Variants in GRIK2 observed in about 807,000 individuals in gnomAD.
The protein encoded by GRIK2 is glutamate receptor ionotropic, kainate 2.
A neutral mutation model predicts 100.3 loss-of-function variants in GRIK2; 32 were observed. The ratio of observed to expected loss-of-function variants is 0.32; its 90% CI spans 0.24 to 0.43. GRIK2 has a LOEUF of 0.43. GRIK2 is among the 20% of genes least tolerant of loss of function. The pLI, the probability that GRIK2 is intolerant of heterozygous loss-of-function variation, is 1.00. For synonymous variants in GRIK2, 417 were observed against 389.4 expected (o/e 1.07, Z -0.83); for missense variants, 843 against 1,114.9 (o/e 0.76, Z 3.47).
intron 11 of GRIK2, among the ~76,000 whole-genome samples, chr6:101,873,252 C>T (rs1424323628): frequency 8.2e-6 from 1 of 122,316 alleles, no homozygotes; most frequent in Non-Finnish European, 1.7e-5. Context: ...CCCCTCCCCC[C>T]ACCCCACAAT....
intron 14 of GRIK2, among the ~76,000 whole-genome samples, chr6:102,027,700 T>C (rs1769775677): frequency 6.6e-6 from 1 of 151,106 alleles, no homozygotes; most frequent in Admixed American, 6.6e-5. Flanking sequence ...ATATTGATAA[T>C]GTTATTTTCT....
intron 2 of GRIK2, among the ~76,000 whole-genome samples, chr6:101,556,468 T>G (rs1337292484): frequency 1.3e-5 from 2 of 151,428 alleles, no homozygotes; most frequent in Non-Finnish European, 2.9e-5. Flanking sequence ...CCGAGATATA[T>G]TGGTAATTTT....
intron 7 of GRIK2, among the ~76,000 whole-genome samples, chr6:101,736,317 G>A (rs1775628618): frequency 6.6e-6 from 1 of 152,200 alleles, no homozygotes; most frequent in South Asian, 2.1e-4. Context: ...CCCCAGTAGG[G>A]GCTCTGTGTG....
rs117787376 is a variant in GRIK2, at chr6:102,058,225, A to G, written c.2562+2645A>G. On this transcript the variant is annotated intron_variant, in intron 16 of 16. Transcript: ENST00000369134. Reference sequence around the variant, plus strand: ...TATTCTTGTTTGTTGGCTTCTGTGTATGGGTGCCTTTTCACATATTAAATT... The same window carrying G: ...TATTCTTGTTTGTTGGCTTCTGTGTGTGGGTGCCTTTTCACATATTAAATT... 3.3e-3 allele frequency among the ~76,000 whole-genome samples: 502 copies of G among 151,742 alleles called. 1 individual carries two copies. The highest frequency in any genetic ancestry group is 4.0e-3 in the Admixed American group (61 of 15,130).
At chr6:101,888,329 C>G (rs1324053633) in intron 11 of GRIK2, among the ~76,000 whole-genome samples, 1 of 152,036 alleles carries the variant, frequency 6.6e-6, no homozygotes, top group African/African-American at 2.4e-5. Flanking sequence ...TTATCTGAAA[C>G]AGGAAATAAT....
At chr6:101,474,834 T>C (rs1489038853) in intron 2 of GRIK2, among the ~76,000 whole-genome samples, 1 of 151,738 alleles carries the variant, frequency 6.6e-6, no homozygotes, top group Non-Finnish European at 1.5e-5. Context: ...ATACCATAGT[T>C]CCTTTTTAAA....
At chr6:101,947,820 A>G (rs1232011686) in intron 14 of GRIK2, among the ~76,000 whole-genome samples, 1 of 152,202 alleles carries the variant, frequency 6.6e-6, no homozygotes, top group Non-Finnish European at 1.5e-5. Flanking sequence ...TTAAATGACT[A>G]TAATCCTGAG....
intron 14 of GRIK2, among the ~76,000 whole-genome samples, chr6:101,933,234 A>G (rs571430838): frequency 4.6e-4 from 70 of 152,010 alleles, no homozygotes; most frequent in African/African-American, 1.5e-3. Flanking sequence ...TTGTTATCCA[A>G]CCATGCAAGT....
chr6:101,582,548 T>C (rs1251773521), intron 2 of GRIK2, among the ~76,000 whole-genome samples: 2 of 152,168 alleles, frequency 1.3e-5, no homozygotes, highest in East Asian at 1.9e-4. Context: ...CAGTTAGATG[T>C]CTTTTCTTTA....
At chr6:101,799,510 G>C in intron 7 of GRIK2, 138 bp from the exon 8 acceptor site, 1 of 649,066 alleles carries the variant, frequency 1.5e-6, no homozygotes, top group Non-Finnish European at 2.8e-6. Flanking sequence ...GCATGTTAGA[G>C]ATAACGTTTT....
At chr6:101,880,892 A>G (rs1204323282) in intron 11 of GRIK2, among the ~76,000 whole-genome samples, 2 of 151,730 alleles carry the variant, frequency 1.3e-5, no homozygotes, top group Non-Finnish European at 2.9e-5. Flanking sequence ...ATTTATAAAA[A>G]GAGAGCTTAG....
chr6:101,631,080 G>A (rs562448091), intron 4 of GRIK2, among the ~76,000 whole-genome samples: 88 of 152,098 alleles, frequency 5.8e-4, no homozygotes, highest in African/African-American at 1.8e-3. Flanking sequence ...TATTTTTTAC[G>A]ATAATTAGCA....
chr6:101,396,395 C>G (rs1775012025), intron 1 of GRIK2, among the ~76,000 whole-genome samples: 1 of 152,086 alleles, frequency 6.6e-6, no homozygotes, highest in Non-Finnish European at 1.5e-5. Flanking sequence ...ATATTGACAG[C>G]ATGTTATTTG....
chr6:102,009,782 A>G (rs1795424616), intron 14 of GRIK2, among the ~76,000 whole-genome samples: 1 of 152,124 alleles, frequency 6.6e-6, no homozygotes, highest in African/African-American at 2.4e-5. Context: ...CACACTCAAC[A>G]ACTATACTAT....
intron 5 of GRIK2, among the ~76,000 whole-genome samples, chr6:101,677,345 G>T (rs1043796502): frequency 6.6e-6 from 1 of 152,206 alleles, no homozygotes; most frequent in African/African-American, 2.4e-5. Context: ...ATAGCAGAGG[G>T]ATTGATATCC....
At chr6:101,968,756 G>T (rs1359750592) in intron 14 of GRIK2, among the ~76,000 whole-genome samples, 2 of 128,084 alleles carry the variant, frequency 1.6e-5, no homozygotes. Context: ...TGTGTTCTCT[G>T]AGGGGAAAAA....
chr6:101,648,888 A>G (rs58981294), intron 4 of GRIK2, among the ~76,000 whole-genome samples: 2,655 of 152,138 alleles, frequency 0.017, 86 homozygotes, highest in African/African-American at 0.061. Flanking sequence ...GGTGGAAGAT[A>G]AAGGAAAGAC....
At chr6:102,013,901 G>C (rs1202275315) in intron 14 of GRIK2, among the ~76,000 whole-genome samples, 1 of 151,472 alleles carries the variant, frequency 6.6e-6, no homozygotes, top group Admixed American at 6.6e-5. Flanking sequence ...TTTTTTTGTT[G>C]TACCTCTGCC....
At chr6:102,052,881 G>A (rs1305091165) in intron 15 of GRIK2, among the ~76,000 whole-genome samples, 1 of 151,972 alleles carries the variant, frequency 6.6e-6, no homozygotes, top group Non-Finnish European at 1.5e-5. Context: ...GGAGGTCAAG[G>A]CCAGCTGGGC....
Sources: allele counts gnomAD v4.1 joint callset (sites outside exome capture counted in the v4.1 genomes callset), GRCh38; gene constraint gnomAD v4.1.1; transcripts MANE v1.5; gene names NCBI Gene and HGNC (gene_info 2026-07-23, HGNC 2026-07-21).